TSHR: variants seen among roughly 807,000 people sequenced by gnomAD.
The protein encoded by TSHR is thyroid stimulating hormone receptor, also known as thyrotropin receptor.
A neutral mutation model predicts 64.1 loss-of-function variants in TSHR; 51 were observed. The ratio of observed to expected loss-of-function variants is 0.80; its 90% confidence interval spans 0.64 to 1.01. The LOEUF is 1.01. TSHR is among the 50% of genes least tolerant of loss of function. TSHR has a pLI of 0.00. For missense variants in TSHR, 877 were observed against 942.8 expected (o/e 0.93, Z 0.91); for synonymous variants, 361 against 361.9 (o/e 1.00, Z 0.03).
intron 1 of TSHR, chr14:81,011,978 T>C (rs1243553397): frequency 6.6e-6 from 1 of 152,192 alleles, no homozygotes; most frequent in Non-Finnish European, 1.5e-5. Context: ...TTAGGGCACA[T>C]GTGCACAATG....
At position 81,091,887 on chromosome 14, in the gene TSHR, T is replaced by C. The variant is rs149820104; in HGVS notation, c.468-644T>C. Among the ~76,000 whole-genome samples the C allele has an allele frequency of 1.2e-3, 189 of 152,316 alleles. 1 individual carries two copies. The highest frequency in any genetic ancestry group is 2.1e-3 in the Non-Finnish European group (144 of 68,022). ...CATGGGTCAGTTGTCTTACTAATTG[T>C]ATAGGAATGAAAGGACGTAAGGCAG... On this transcript the variant is annotated intron_variant, in intron 5 of 9. Transcript: ENST00000298171.
intron 8 of TSHR, among the ~76,000 whole-genome samples, chr14:81,123,655 G>A (rs1415046258): frequency 1.3e-5 from 2 of 152,124 alleles, no homozygotes; most frequent in African/African-American, 4.8e-5. Flanking sequence ...ATACAGTCAC[G>A]TCTAATAGTC....
chr14:81,141,631 G>A (rs376811128), intron 9 of TSHR, among the ~76,000 whole-genome samples: 3 of 152,130 alleles, frequency 2.0e-5, no homozygotes, highest in Non-Finnish European at 2.9e-5. Flanking sequence ...CAGGCTGGCC[G>A]GGGGCAGTGG....
intron 8 of TSHR, among the ~76,000 whole-genome samples, chr14:81,134,603 A>T (rs1891381158): frequency 6.6e-6 from 1 of 152,232 alleles, no homozygotes; most frequent in Admixed American, 6.5e-5. Context: ...TCATGAAGCT[A>T]AAATTAAAAA....
At chr14:81,114,321 TGCACTGTGCGCGA>T (rs1299374729) in intron 8 of TSHR, among the ~76,000 whole-genome samples, 2 of 152,096 alleles carry the variant, frequency 1.3e-5, no homozygotes, top group Non-Finnish European at 2.9e-5. Flanking sequence ...AGTGGGTGCG[TGCACTGTGCGCGA>T]GCCAAAGCAG....
intron 8 of TSHR, among the ~76,000 whole-genome samples, chr14:81,135,899 G>T (rs1157072302): frequency 6.6e-6 from 1 of 152,212 alleles, no homozygotes; most frequent in Non-Finnish European, 1.5e-5. Flanking sequence ...AAAGGCAGTT[G>T]TTCCCCCTGC....
intron 1 of TSHR, among the ~76,000 whole-genome samples, chr14:80,986,214 T>C (rs570353488): frequency 1.6e-4 from 25 of 152,344 alleles, no homozygotes; most frequent in Middle Eastern, 3.4e-3. Flanking sequence ...TTCCAGGAAG[T>C]CTTCATCTTT....
chr14:81,134,494 A>T (rs1891376292), intron 8 of TSHR, among the ~76,000 whole-genome samples: 2 of 152,286 alleles, frequency 1.3e-5, no homozygotes, highest in Admixed American at 6.5e-5. Flanking sequence ...AAATCTATTC[A>T]GGTATTTAAC....
chr14:81,079,490 A>G (rs916928500), intron 3 of TSHR, among the ~76,000 whole-genome samples: 7 of 152,242 alleles, frequency 4.6e-5, no homozygotes, highest in Non-Finnish European at 8.8e-5. Flanking sequence ...ATTTGAACCC[A>G]AAAGTGTCTG....
In TSHR at chr14:81,142,952, C is replaced by A. The variant is rs1356340955; in HGVS notation, c.894C>A (p.Ser298=). Residue 298 remains serine, a synonymous_variant, in exon 10 of 10, where the codon TCC becomes TCA. Coordinates refer to ENST00000298171, the MANE Select transcript of TSHR (RefSeq NM_000369.5). The part of the protein sequence containing the change: ...NQKKIRGILE[S]LMCNESSMQS... The stretch of plus-strand genomic sequence containing the variant: ...TGTTGCCTTGCAGAATCCTTGAGTC[C>A]TTGATGTGTAATGAGAGCAGTATGC... 1 of 1,614,032 alleles carries A rather than the reference C, an allele frequency of 6.2e-7. No homozygotes were observed. The highest frequency in any genetic ancestry group is 1.7e-5 in the Admixed American group (1 of 60,028).
intron 5 of TSHR, among the ~76,000 whole-genome samples, 156 bp downstream of exon 5, chr14:81,091,299 G>T (rs1249179455): frequency 6.6e-6 from 1 of 151,686 alleles, no homozygotes; most frequent in Non-Finnish European, 1.5e-5. Context: ...GTAAGGCAAG[G>T]ACTGAGAAAT....
In TSHR at chr14:81,143,321, G is replaced by A; in HGVS notation, c.1263G>A (p.Val421=). The change falls in exon 10 of 10, where the codon GTG becomes GTA. Residue 421 remains valine, a synonymous_variant. Coordinates refer to ENST00000298171, the MANE Select transcript of TSHR (RefSeq NM_000369.5). The part of the protein sequence containing the change: ...IMGYKFLRIV[V]WFVSLLALLG... The stretch of plus-strand genomic sequence containing the variant: ...GCTACAAGTTCCTGAGAATTGTGGT[G>A]TGGTTCGTTAGTCTGCTGGCTCTCC... The A allele has an allele frequency of 6.2e-7, 1 of 1,614,160 alleles. No individual in the cohort carries two copies. The highest frequency in any genetic ancestry group is 1.1e-5 in the South Asian group (1 of 91,078).
At chr14:81,120,133 A>C (rs1890727575) in intron 8 of TSHR, among the ~76,000 whole-genome samples, 2 of 150,018 alleles carry the variant, frequency 1.3e-5, no homozygotes, top group Non-Finnish European at 3.0e-5. Flanking sequence ...TACATATGTA[A>C]CTAACCTGCA....
intron 8 of TSHR, among the ~76,000 whole-genome samples, chr14:81,130,863 T>A (rs1158624775): frequency 7.8e-6 from 1 of 128,074 alleles, no homozygotes; most frequent in East Asian, 2.2e-4. Flanking sequence ...CGGTGGCGGG[T>A]GCCTGTAGTC....
intron 1 of TSHR, among the ~76,000 whole-genome samples, chr14:80,956,904 A>C (rs1886723729): frequency 6.6e-6 from 1 of 152,202 alleles, no homozygotes; most frequent in Non-Finnish European, 1.5e-5. Context: ...GTCATTCTCC[A>C]TGCTGCCACC....
chr14:81,058,787 A>G (rs897289681), intron 1 of TSHR, among the ~76,000 whole-genome samples: 1 of 152,226 alleles, frequency 6.6e-6, no homozygotes, highest in African/African-American at 2.4e-5. Flanking sequence ...TTCTGAAATT[A>G]AAATAAAATA....
At chr14:81,033,620 TA>T (rs558393145) in intron 1 of TSHR, among the ~76,000 whole-genome samples, 1,345 of 131,148 alleles carry the variant, frequency 0.01, 16 homozygotes, top group African/African-American at 0.027. Flanking sequence ...GGTCTTTTTC[TA>T]AAAAAAAAAA....
intron 1 of TSHR, chr14:80,983,088 C>A: frequency 1.6e-6 from 1 of 631,500 alleles, no homozygotes. Flanking sequence ...TATAATGATG[C>A]TTATTGAAAG....
At chr14:81,018,373 T>C (rs1883540474) in intron 1 of TSHR, among the ~76,000 whole-genome samples, 1 of 152,222 alleles carries the variant, frequency 6.6e-6, no homozygotes, top group African/African-American at 2.4e-5. Flanking sequence ...CAGTCAGTTA[T>C]CCAGTAGGGT....
Sources: allele counts gnomAD v4.1 joint callset (sites outside exome capture counted in the v4.1 genomes callset), GRCh38; gene constraint gnomAD v4.1.1; transcripts MANE v1.5; gene names NCBI Gene and HGNC (gene_info 2026-07-23, HGNC 2026-07-21).